NSA2: variants seen among roughly 807,000 people sequenced by gnomAD.
NSA2 encodes NSA2 ribosome biogenesis factor, also known as ribosome biogenesis protein NSA2 homolog.
Under a neutral mutation model 34.8 loss-of-function variants are expected in NSA2, and 18 were observed. The observed-to-expected ratio is 0.52, with a 90% CI of 0.36 to 0.77. The LOEUF is 0.77. NSA2 is among the 30% of genes least tolerant of loss of function. NSA2 has a pLI of 0.00. For missense variants in NSA2, 188 were observed against 314.7 expected (o/e 0.60, Z 3.05); for synonymous variants, 79 against 100.2 (o/e 0.79, Z 1.26).
At chr5:74,769,148 A>T (rs1222155715) in intron 2 of NSA2, 30 bp downstream of exon 2, 2 of 1,595,158 alleles carry the variant, frequency 1.3e-6, no homozygotes, top group Non-Finnish European at 1.7e-6. Context: ...TGTCATAACA[A>T]GTTAACATCT....
intron 3 of NSA2, among the ~76,000 whole-genome samples, chr5:74,770,209 T>G (rs532938168): frequency 6.6e-6 from 1 of 152,090 alleles, no homozygotes; most frequent in South Asian, 2.1e-4. Flanking sequence ...TGTGTGTCTG[T>G]AGTCCCAGCT....
Position 74,770,714 on chromosome 5 carries a change from G to T in NSA2, c.426G>T (p.Lys142Asn). 6.2e-7 allele frequency: 1 copy of T among 1,613,466 alleles called. No individual in the cohort carries two copies. Among genetic ancestry groups the T allele is most frequent in the East Asian group, 2.2e-5 (1 of 44,840 alleles). The change falls in exon 4 of 6, where the codon AAG becomes AAT. Residue 142 changes from lysine to asparagine, a missense_variant. Physicochemically the swap from Lys to Asn is moderately conservative, Grantham distance 94. Transcript: ENST00000610426. The part of the protein sequence containing the change: ...VLKVIRTGKR[K>N]KKAWKRMVTK... The stretch of plus-strand genomic sequence containing the variant: ...AAGTTATTCGAACAGGAAAGAGAAA[G>T]AAGAAGGCATGGAAGAGAATGGTTA...
rs1460008782 is a variant in NSA2 at position 74,777,979 on chromosome 5, G to A, written c.*1308G>A. On this transcript the variant is annotated 3_prime_UTR_variant, in exon 6 of 6. Coordinates refer to ENST00000610426, the MANE Select transcript of NSA2 (RefSeq NM_014886.6). ...ACAATCACTTGATGACAGAAGGTAA[G>A]CCTTTCTTACAATTAGATTTTAGCA... The A allele has an allele frequency of 6.6e-6, 1 of 152,000 alleles. No homozygotes were observed. The highest frequency in any genetic ancestry group is 6.5e-5 in the Admixed American group (1 of 15,268). 9.4% of individuals were successfully genotyped at this position (152,000 alleles called of 1,614,324 possible). A position where few individuals can be genotyped will look rare whatever the true frequency, so the allele number is the denominator to read the frequency against.
Position 74,767,347 on chromosome 5 carries a change from C to T in NSA2, c.-14C>T, listed in dbSNP as rs1433480158. 3 of 1,613,294 alleles carry T rather than the reference C, an allele frequency of 1.9e-6. No individual in the cohort carries two copies. The African/African-American group carries it at 4.0e-5, about 22-fold the overall frequency. ...ACTCCAGCGGCTGCTCCTGGCGGCT[C>T]TGCGGCCGTCACCATGGTAAGGAGG... On this transcript the variant is annotated 5_prime_UTR_variant, in exon 1 of 6. Transcript: ENST00000610426.
chr5:74,774,927 A>G (rs1580057879), intron 5 of NSA2, among the ~76,000 whole-genome samples: 1 of 152,170 alleles, frequency 6.6e-6, no homozygotes, highest in Non-Finnish European at 1.5e-5. Context: ...TAAACTGATC[A>G]TTGAAACTGC....
chr5:74,772,104 C>T (rs968225507), intron 4 of NSA2, among the ~76,000 whole-genome samples: 3 of 151,548 alleles, frequency 2.0e-5, no homozygotes, highest in African/African-American at 7.3e-5. Context: ...ATGCCATAAT[C>T]CTAGTGTTCA....
Position 74,777,054 on chromosome 5 carries a change from A to C in NSA2, c.*383A>C, listed in dbSNP as rs1354366332. 6.2e-6 allele frequency: 1 copy of C among 161,608 alleles called. No individual in the cohort carries two copies. Among genetic ancestry groups the C allele is most frequent in the South Asian group, 1.7e-4 (1 of 5,720 alleles). The allele number at this position is 161,608 out of a possible 1,614,324, so 10.0% of individuals were successfully genotyped here. A position where few individuals can be genotyped will look rare whatever the true frequency, so the allele number is the denominator to read the frequency against. ...ATCTTCAAAATCTCGTTAATCATTA[A>C]TCCTAAAAAAGGTAGGTAGCATTAA... On this transcript the variant is annotated 3_prime_UTR_variant, in exon 6 of 6. Transcript: ENST00000610426.
chr5:74,769,079 A>T lies in NSA2; in HGVS notation c.152A>T (p.His51Leu). 1 of 1,611,892 alleles carries T rather than the reference A, an allele frequency of 6.2e-7. No homozygotes were observed. Among genetic ancestry groups the T allele is most frequent in the Non-Finnish European group, 8.5e-7 (1 of 1,179,592 alleles). The change falls in exon 2 of 6, where the codon CAT (histidine) becomes CTT (leucine). Residue 51 changes from histidine to leucine, a missense_variant. By Grantham distance (99) the His-to-Leu change is moderately conservative (BLOSUM62 -3). Transcript: ENST00000610426. The part of the protein sequence containing the change: ...KMIGLKAKLY[H>L]KQRHAEKIQM... ...ATTGGTCTGAAGGCTAAGCTTTACC[A>T]TAAACAGCGTCATGCTGAGAAAATA...
chr5:74,778,192 A>C lies in NSA2; in HGVS notation c.*1521A>C, dbSNP rs1745218542. On this transcript the variant is annotated 3_prime_UTR_variant, in exon 6 of 6. Transcript: ENST00000610426. ...ATATTAAGTATGAAAACATAAGCAT[A>C]ACATTTGTAACTAATCACACCCATG... is the stretch of plus-strand genomic sequence containing the variant. The C allele has an allele frequency of 6.6e-6, 1 of 152,066 alleles. No homozygotes were observed. Among genetic ancestry groups the C allele is most frequent in the Non-Finnish European group, 1.5e-5 (1 of 67,908 alleles). The allele number at this position is 152,066 out of a possible 1,614,324, so 9.4% of individuals were successfully genotyped here.
intron 5 of NSA2, among the ~76,000 whole-genome samples, chr5:74,774,494 C>CT (rs1372169243): frequency 6.6e-6 from 1 of 152,024 alleles, no homozygotes; most frequent in Non-Finnish European, 1.5e-5. Flanking sequence ...ATCCCAGCCA[C>CT]TTGGGAGGCT....
At position 74,777,656 on chromosome 5, in the gene NSA2, T is replaced by C. The variant is rs1375129780; in HGVS notation, c.*985T>C. On this transcript the variant is annotated 3_prime_UTR_variant, in exon 6 of 6. Coordinates refer to ENST00000610426, the MANE Select transcript of NSA2 (RefSeq NM_014886.6). ...GTGATTAATTGTGCCTTTAACAAAGTCATTCAATGTCTAAACAAATTCAGT... is the reference window on the plus strand; with the variant it reads ...GTGATTAATTGTGCCTTTAACAAAGCCATTCAATGTCTAAACAAATTCAGT... 6.6e-6 allele frequency: 1 copy of C among 151,998 alleles called. No homozygotes were observed. The highest frequency in any genetic ancestry group is 1.5e-5 in the Non-Finnish European group (1 of 67,896). 9.4% of individuals were successfully genotyped at this position (151,998 alleles called of 1,614,324 possible).
chr5:74,774,882 C>T (rs541523412), intron 5 of NSA2, among the ~76,000 whole-genome samples: 4 of 152,112 alleles, frequency 2.6e-5, no homozygotes, highest in African/African-American at 9.7e-5. Flanking sequence ...ATACCTATTA[C>T]ATTTAAAGAA....
At chr5:74,767,782 A>G (rs1045086656) in intron 1 of NSA2, among the ~76,000 whole-genome samples, 10 of 152,350 alleles carry the variant, frequency 6.6e-5, no homozygotes, top group African/African-American at 9.6e-5. Flanking sequence ...AAGACCAGAC[A>G]GCTAATGAAT....
intron 5 of NSA2, among the ~76,000 whole-genome samples, chr5:74,775,650 A>G (rs1398279723): frequency 6.6e-6 from 1 of 151,936 alleles, no homozygotes; most frequent in Admixed American, 6.6e-5. Context: ...TTTTTTAATA[A>G]AAATTCTTTA....
chr5:74,771,225 A>G (rs1580053388), intron 4 of NSA2, among the ~76,000 whole-genome samples: 1 of 151,650 alleles, frequency 6.6e-6, no homozygotes, highest in East Asian at 2.0e-4. Flanking sequence ...GGTTGCAGTG[A>G]GCTGAGATCA....
rs1473619961 is a variant in NSA2 at position 74,777,629 on chromosome 5, A to G, written c.*958A>G. On this transcript the variant is annotated 3_prime_UTR_variant, in exon 6 of 6. Transcript: ENST00000610426. ...GAAGTCTGTCTTCAGAGTACAACCAATGTGATTAATTGTGCCTTTAACAAA... is the reference window on the plus strand; with the variant it reads ...GAAGTCTGTCTTCAGAGTACAACCAGTGTGATTAATTGTGCCTTTAACAAA... 3.3e-5 allele frequency: 5 copies of G among 151,834 alleles called. No homozygotes were observed. The highest frequency in any genetic ancestry group is 3.8e-4 in the East Asian group (2 of 5,200). 9.4% of individuals were successfully genotyped at this position (151,834 alleles called of 1,614,324 possible). A position where few individuals can be genotyped will look rare whatever the true frequency, so the allele number is the denominator to read the frequency against.
chr5:74,767,282 T>A lies in NSA2; in HGVS notation c.-79T>A. 2 of 1,584,592 alleles carry A rather than the reference T, an allele frequency of 1.3e-6. No individual in the cohort carries two copies. Among genetic ancestry groups the A allele is most frequent in the Non-Finnish European group, 8.7e-7 (1 of 1,154,478 alleles). Reference sequence around the variant, plus strand: ...CTGTCCCGGCCTGCGTGGTGTGGGCTTGTGGGTCTTTGAGACCCGAAAATT... The same window carrying A: ...CTGTCCCGGCCTGCGTGGTGTGGGCATGTGGGTCTTTGAGACCCGAAAATT... On this transcript the variant is annotated 5_prime_UTR_variant, in exon 1 of 6. The change creates a new upstream start codon in the 5' untranslated region. Transcript: ENST00000610426.
chr5:74,769,723 G>A (rs1224125144), intron 3 of NSA2, among the ~76,000 whole-genome samples: 1 of 152,152 alleles, frequency 6.6e-6, no homozygotes, highest in Non-Finnish European at 1.5e-5. Context: ...TGGTTAAAAA[G>A]TAGAATGGTG....
intron 4 of NSA2, among the ~76,000 whole-genome samples, chr5:74,773,661 G>GTAT (rs1456205636): frequency 6.6e-6 from 1 of 152,038 alleles, no homozygotes; most frequent in East Asian, 1.9e-4. Flanking sequence ...AAATTCTTAA[G>GTAT]TATTTGTGTG....
Sources: allele counts gnomAD v4.1 joint callset (sites outside exome capture counted in the v4.1 genomes callset), GRCh38; gene constraint gnomAD v4.1.1; transcripts MANE v1.5; gene names NCBI Gene and HGNC (gene_info 2026-07-23, HGNC 2026-07-21).